The following SREK1 variants were observed in gnomAD, a reference collection of about 807,000 sequenced individuals.
SREK1 encodes the protein splicing regulatory glutamine/lysine-rich protein 1.
A neutral mutation model predicts 66.5 loss-of-function variants in SREK1; 13 were observed. The ratio of observed to expected loss-of-function variants is 0.20; its 90% CI spans 0.13 to 0.31. The LOEUF is 0.31. SREK1 is among the 10% of genes least tolerant of loss of function. SREK1 has a pLI of 1.00. For missense variants in SREK1, 607 were observed against 769.6 expected, an observed-to-expected ratio of 0.79 and a Z score of 2.50; for synonymous variants, 265 against 263.5, an observed-to-expected ratio of 1.01 and a Z score of -0.05.
At chr5:66,171,997 AGTACTT>A (rs1427022525) in intron 9 of SREK1, among the ~76,000 whole-genome samples, 1 of 152,248 alleles carries the variant, frequency 6.6e-6, no homozygotes, top group Non-Finnish European at 1.5e-5. Flanking sequence ...AGAATTCTCT[AGTACTT>A]GTACTTACTT....
At chr5:66,157,042 A>G (rs991320792) in intron 2 of SREK1, 17 of 984,524 alleles carry the variant, frequency 1.7e-5, no homozygotes, top group Admixed American at 6.1e-5. Flanking sequence ...CTTGGAAATT[A>G]AGCAATGGAG....
Position 66,175,008 on chromosome 5 carries a change from A to G in SREK1, c.1547A>G (p.Lys516Arg). The change falls in exon 10 of 12, where the codon AAA becomes AGA. Residue 516 changes from lysine to arginine, a missense_variant. Lys to Arg is a conservative substitution (Grantham distance 26). Around this residue, in one of 5 missense-constraint regions of SREK1, gnomAD observed 318 missense variants for 310.3 expected, o/e 1.02. Transcript: ENST00000334121. Reference sequence around the variant, plus strand: ...TCGCCAAGAACATCAAAAACCATAAAAAGGAAATCTTCTAGATCTCCGTCC... The same window carrying G: ...TCGCCAAGAACATCAAAAACCATAAGAAGGAAATCTTCTAGATCTCCGTCC... ...SRSPRTSKTIKRKSSRSPSPR... is the reference protein window; with the variant it reads ...SRSPRTSKTIRRKSSRSPSPR... The G allele has an allele frequency of 3.7e-6, 6 of 1,612,900 alleles. No homozygotes were observed. The highest frequency in any genetic ancestry group is 5.1e-6 in the Non-Finnish European group (6 of 1,179,284).
At chr5:66,177,327 C>A (rs1024278956) in intron 10 of SREK1, 187 bp from the exon 11 acceptor site, 33 of 446,922 alleles carry the variant, frequency 7.4e-5, no homozygotes, top group African/African-American at 6.7e-4. Context: ...AAGAAACTAA[C>A]TGGGGTAAGG....
chr5:66,155,693 T>A (rs184263828), intron 2 of SREK1, among the ~76,000 whole-genome samples: 24 of 152,294 alleles, frequency 1.6e-4, no homozygotes, highest in Non-Finnish European at 1.0e-4. Context: ...TTTAAGAAGT[T>A]TTTTCAGTTT....
chr5:66,178,789 C>T lies in SREK1; in HGVS notation c.1796C>T (p.Thr599Ile). 1 of 1,612,674 alleles carries T rather than the reference C, an allele frequency of 6.2e-7. No individual in the cohort carries two copies. The highest frequency in any genetic ancestry group is 1.3e-5 in the African/African-American group (1 of 74,960). The change falls in exon 12 of 12, where the codon ACT (threonine) becomes ATT (isoleucine). Residue 599 changes from threonine (T) to isoleucine (I), a missense_variant. By Grantham distance (89) the Thr-to-Ile change is moderately conservative. Around this residue, in one of 5 missense-constraint regions of SREK1, gnomAD observed 318 missense variants for 310.3 expected, o/e 1.02. Coordinates refer to ENST00000334121, the MANE Select transcript of SREK1 (RefSeq NM_001077199.3). ...GTAGATGACAAGGATGCACCAAGGACTGAGGAAAACAAAATACAGCACAAT... is the reference window on the plus strand; with the variant it reads ...GTAGATGACAAGGATGCACCAAGGATTGAGGAAAACAAAATACAGCACAAT... ...KEVDDKDAPR[T>I]EENKIQHNGN...
intron 1 of SREK1, among the ~76,000 whole-genome samples, chr5:66,151,994 C>T (rs999075639): frequency 2.4e-4 from 37 of 151,792 alleles, no homozygotes; most frequent in African/African-American, 7.7e-4. Flanking sequence ...TACAGGCGCC[C>T]GCCACCACGC....
intron 6 of SREK1, chr5:66,164,311 G>GA (rs1413161912): frequency 7.6e-6 from 2 of 264,878 alleles, no homozygotes; most frequent in Non-Finnish European, 1.5e-5. Context: ...CCGTGATTTA[G>GA]AAAAAAATAC....
chr5:66,162,211 G>A lies in SREK1; in HGVS notation c.514G>A (p.Val172Met), dbSNP rs1278282705. The change falls in exon 4 of 12, where the codon GTG (valine) becomes ATG (methionine). Residue 172 changes from valine to methionine, a missense_variant. Val to Met is a conservative substitution (Grantham distance 21). Coordinates refer to ENST00000334121, the MANE Select transcript of SREK1 (RefSeq NM_001077199.3). ...ACCACAGCCACCACTTATGGGAAAC[G>A]TGGATCCTTCCAAAATAGATGAAAT... ...EIPQPPLMGNVDPSKIDEIRR... is the reference protein window; with the variant it reads ...EIPQPPLMGNMDPSKIDEIRR... The A allele has an allele frequency of 1.2e-6, 2 of 1,613,996 alleles. No homozygotes were observed. The highest frequency in any genetic ancestry group is 8.5e-7 in the Non-Finnish European group (1 of 1,179,994).
intron 1 of SREK1, among the ~76,000 whole-genome samples, chr5:66,152,163 A>G (rs182292983): frequency 9.2e-5 from 14 of 152,134 alleles, no homozygotes; most frequent in Non-Finnish European, 1.5e-4. Flanking sequence ...TACATCTTTT[A>G]TTTTCAACTT....
Position 66,180,178 on chromosome 5 carries a change from G to A in SREK1, c.*1310G>A, listed in dbSNP as rs921882882. On this transcript the variant is annotated 3_prime_UTR_variant, in exon 12 of 12. Coordinates refer to ENST00000334121, the MANE Select transcript of SREK1 (RefSeq NM_001077199.3). ...TACGTTTACTTGAGTTTAAGATACA[G>A]GTCATCCATCATTCTTAGGCTCACT... The A allele has an allele frequency of 8.5e-5, 13 of 152,472 alleles. No homozygotes were observed. The highest frequency in any genetic ancestry group is 2.9e-4 in the African/African-American group (12 of 41,412). The allele number at this position is 152,472 out of a possible 1,614,324, so 9.4% of individuals were successfully genotyped here.
intron 3 of SREK1, 139 bp from the exon 4 acceptor site, chr5:66,161,970 T>C (rs1487094987): frequency 7.1e-6 from 6 of 839,934 alleles, no homozygotes; most frequent in Admixed American, 6.3e-5. Context: ...CTCAGACATA[T>C]ATATGACTGA....
chr5:66,156,894 A>G (rs1355414536), intron 2 of SREK1: 7 of 965,992 alleles, frequency 7.2e-6, no homozygotes, highest in Non-Finnish European at 8.5e-6. Flanking sequence ...GGATTCTGAG[A>G]TTAGGACTAT....
rs1263090365 is a variant in SREK1 at position 66,165,527 on chromosome 5, TTTTC to T, written c.1001+634_1001+637del. 2.0e-5 allele frequency: 3 copies of T among 152,380 alleles called. 1 individual carries two copies. Among genetic ancestry groups the T allele is most frequent in the South Asian group, 4.1e-4 (2 of 4,830 alleles). 9.4% of individuals were successfully genotyped at this position (152,380 alleles called of 1,614,324 possible). On this transcript the variant is annotated intron_variant, in intron 7 of 11. Coordinates refer to ENST00000334121, the MANE Select transcript of SREK1 (RefSeq NM_001077199.3). ...TTTGATCATAGCTTTGTCCTTTTGATTTTCTTTATCTGTCATTTCTTTGTCTTTG... is the reference window on the plus strand; with the variant it reads ...TTTGATCATAGCTTTGTCCTTTTGATTTTATCTGTCATTTCTTTGTCTTTG...
chr5:66,144,331 CGTCGTA>C lies in SREK1; in HGVS notation c.-44_-39del, dbSNP rs1427377213. 1.6e-5 allele frequency: 23 copies of C among 1,417,372 alleles called. No individual in the cohort carries two copies. The African/African-American group carries it at 2.5e-4, about 15-fold the overall frequency. The allele number at this position is 1,417,372 out of a possible 1,614,324, so 87.8% of individuals were successfully genotyped here. ...CGCTTTCCCGGCTCCGTCGCTGACG[CGTCGTA>C]GACGTTGGGGAGCGGGAAGGCAACG... On this transcript the variant is annotated 5_prime_UTR_variant, in exon 1 of 12. Transcript: ENST00000334121.
intron 1 of SREK1, among the ~76,000 whole-genome samples, chr5:66,149,285 G>A (rs1322261527): frequency 1.3e-5 from 2 of 152,124 alleles, no homozygotes; most frequent in Non-Finnish European, 2.9e-5. Flanking sequence ...GGGAGGCGGA[G>A]GTTGCAGTGA....
intron 9 of SREK1, 64 bp downstream of exon 9, chr5:66,171,011 T>C (rs1439762515): frequency 4.2e-5 from 64 of 1,534,546 alleles, no homozygotes; most frequent in Non-Finnish European, 5.3e-5. Flanking sequence ...CAAAATTTTT[T>C]ACGGAGGGAG....
intron 2 of SREK1, chr5:66,157,305 A>AT (rs1744367821): frequency 2.0e-6 from 2 of 984,498 alleles, no homozygotes; most frequent in East Asian, 2.3e-4. Context: ...CCAGTGTTGA[A>AT]TACCCTTTTT....
At chr5:66,177,683 G>A (rs988001735) in intron 11 of SREK1, 25 bp downstream of exon 11, 16 of 1,570,346 alleles carry the variant, frequency 1.0e-5, no homozygotes, top group Non-Finnish European at 1.4e-5. Context: ...TTCGGTGTCT[G>A]GCACTTGAAA....
In SREK1 at chr5:66,171,076, C is replaced by T. The variant is rs114208756; in HGVS notation, c.1484+129C>T. On this transcript the variant is annotated intron_variant, in intron 9 of 11. Coordinates refer to ENST00000334121, the MANE Select transcript of SREK1 (RefSeq NM_001077199.3). ...TAAAGTAATATAAGAACATTTTCTC[C>T]TAATTTCAGAGTAAACATTTCTCTA... 6.9e-4 allele frequency: 787 copies of T among 1,142,046 alleles called. 4 individuals are homozygous for T. In the African/African-American group the frequency reaches 0.011, roughly 17 times the overall value. The allele number at this position is 1,142,046 out of a possible 1,614,324, so 70.7% of individuals were successfully genotyped here.
Sources: gnomAD v4.1 joint callset for allele counts (sites outside exome capture counted in the v4.1 genomes callset) on GRCh38, gnomAD v4.1.1 for gene constraint, gnomAD v4.1.1 regional missense constraint, MANE v1.5 for transcripts, NCBI Gene and HGNC (gene_info 2026-07-23, HGNC 2026-07-21) for gene names.